The following KCNIP4 variants were observed in gnomAD, a reference collection of about 807,000 sequenced individuals.
The protein encoded by KCNIP4 is potassium voltage-gated channel interacting protein 4, also known as Kv channel-interacting protein 4.
KCNIP4 carries 12 observed loss-of-function variants against 34.0 expected under a neutral mutation model. The ratio of observed to expected loss-of-function variants is 0.35; its 90% CI spans 0.23 to 0.57. KCNIP4 has a LOEUF of 0.57. Ranked by LOEUF, KCNIP4 falls within the 20% of genes least tolerant of loss-of-function variation. The pLI is 0.83. For missense variants in KCNIP4, 238 were observed against 311.7 expected (o/e 0.76, Z 1.78); for synonymous variants, 124 against 102.2 (o/e 1.21, Z -1.29).
chr4:21,529,012 C>T (rs1736431296), intron 1 of KCNIP4, among the ~76,000 whole-genome samples: 1 of 152,060 alleles, frequency 6.6e-6, no homozygotes, highest in South Asian at 2.1e-4. Flanking sequence ...TGTCCTTTTA[C>T]AGGTTTTGCC....
intron 1 of KCNIP4, chr4:21,304,027 G>A (rs1712062526): frequency 9.5e-6 from 10 of 1,057,084 alleles, no homozygotes; most frequent in Middle Eastern, 2.5e-4. Flanking sequence ...GGAGGAGAGC[G>A]TATGAGAGAG....
intron 1 of KCNIP4, among the ~76,000 whole-genome samples, chr4:21,481,790 T>C (rs2109834728): frequency 6.6e-6 from 1 of 152,248 alleles, no homozygotes; most frequent in Middle Eastern, 3.4e-3. Flanking sequence ...CCTATCTGCT[T>C]ATGCACACAT....
At chr4:21,007,466 C>G (rs934333836) in intron 1 of KCNIP4, among the ~76,000 whole-genome samples, 1 of 152,148 alleles carries the variant, frequency 6.6e-6, no homozygotes, top group Non-Finnish European at 1.5e-5. Flanking sequence ...TATTGTCACC[C>G]TGTCATGCTT....
intron 1 of KCNIP4, among the ~76,000 whole-genome samples, chr4:21,193,060 G>A (rs1002308988): frequency 1.3e-5 from 2 of 151,074 alleles, no homozygotes; most frequent in Non-Finnish European, 2.9e-5. Context: ...AGGATGTTGT[G>A]AGCAGTGATT....
At chr4:20,850,162 G>A (rs932894723) in intron 3 of KCNIP4, among the ~76,000 whole-genome samples, 1 of 152,142 alleles carries the variant, frequency 6.6e-6, no homozygotes, top group Admixed American at 6.6e-5. Flanking sequence ...TCCAGGAATG[G>A]AATCCCTTGA....
chr4:21,028,747 C>T (rs188491043), intron 1 of KCNIP4, among the ~76,000 whole-genome samples: 1 of 152,276 alleles, frequency 6.6e-6, no homozygotes, highest in East Asian at 1.9e-4. Flanking sequence ...TGGAAACCAA[C>T]CAATGCAAGA....
chr4:21,664,490 C>T (rs1352210119), intron 1 of KCNIP4, among the ~76,000 whole-genome samples: 3 of 151,626 alleles, frequency 2.0e-5, no homozygotes, highest in Admixed American at 6.6e-5. Flanking sequence ...TTTCTGCTTG[C>T]CATCTTGCAA....
intron 3 of KCNIP4, among the ~76,000 whole-genome samples, chr4:20,835,833 G>A (rs1244782053): frequency 6.6e-6 from 1 of 151,960 alleles, no homozygotes; most frequent in Non-Finnish European, 1.5e-5. Context: ...AGTTGTTTAA[G>A]TCAGAAAACT....
chr4:20,934,321 C>T (rs1166410648), intron 1 of KCNIP4, among the ~76,000 whole-genome samples: 4 of 152,166 alleles, frequency 2.6e-5, no homozygotes, highest in African/African-American at 4.8e-5. Flanking sequence ...TGGTGGCCAC[C>T]TCACCTATGA....
At chr4:21,701,610 CA>C (rs1303467837) in intron 1 of KCNIP4, among the ~76,000 whole-genome samples, 1 of 152,102 alleles carries the variant, frequency 6.6e-6, no homozygotes, top group Admixed American at 6.6e-5. Flanking sequence ...TTAAGAGAAT[CA>C]AAAGATCTGC....
intron 1 of KCNIP4, among the ~76,000 whole-genome samples, chr4:21,573,145 G>C (rs1740484737): frequency 1.3e-5 from 2 of 152,158 alleles, no homozygotes; most frequent in Admixed American, 1.3e-4. Flanking sequence ...AGCATTAGCG[G>C]TAGTAGCATT....
At chr4:21,654,706 G>A (rs1171489636) in intron 1 of KCNIP4, among the ~76,000 whole-genome samples, 3 of 151,998 alleles carry the variant, frequency 2.0e-5, no homozygotes, top group African/African-American at 4.8e-5. Context: ...GGCAGATCAC[G>A]AGGTCAGGAG....
intron 1 of KCNIP4, among the ~76,000 whole-genome samples, chr4:21,448,452 C>T (rs1000234951): frequency 6.6e-6 from 1 of 152,018 alleles, no homozygotes; most frequent in African/African-American, 2.4e-5. Flanking sequence ...GAAAGCGGAA[C>T]TTATAAACTA....
At chr4:21,307,739 G>A (rs1285864038) in intron 1 of KCNIP4, among the ~76,000 whole-genome samples, 1 of 151,778 alleles carries the variant, frequency 6.6e-6, no homozygotes, top group East Asian at 1.9e-4. Flanking sequence ...TGCCTGGGGA[G>A]CCTGAGAGAT....
chr4:21,691,691 C>CTTTTTT (rs36004947), intron 1 of KCNIP4, among the ~76,000 whole-genome samples: 118 of 103,146 alleles, frequency 1.1e-3, no homozygotes, highest in Non-Finnish European at 1.6e-3. Context: ...AAACGCAGCT[C>CTTTTTT]TTTTTTTTTT....
intron 3 of KCNIP4, among the ~76,000 whole-genome samples, chr4:20,808,501 T>A (rs1715351018): frequency 6.6e-6 from 1 of 152,218 alleles, no homozygotes; most frequent in Admixed American, 6.5e-5. Flanking sequence ...TGAAAGAACA[T>A]AATTATTCAT....
intron 1 of KCNIP4, among the ~76,000 whole-genome samples, chr4:21,713,345 TG>T (rs1295543113): frequency 1.3e-5 from 2 of 152,202 alleles, no homozygotes; most frequent in East Asian, 3.9e-4. Context: ...CTAAAGTTTC[TG>T]CAAGGACCAT....
rs149621548 is a variant in KCNIP4 at position 21,700,669 on chromosome 4, T to C, written c.61+247902A>G. On this transcript the variant is annotated intron_variant, in intron 1 of 8. Transcript: ENST00000382152. Reference sequence around the variant, plus strand: ...TTTTGGGGTCCTATATGATAAATCATTGTCCATACCAATGTCCTGAAGCTT... The same window carrying C: ...TTTTGGGGTCCTATATGATAAATCACTGTCCATACCAATGTCCTGAAGCTT... Among the ~76,000 whole-genome samples the C allele has an allele frequency of 3.2e-3, 492 of 152,252 alleles. 6 individuals carry two copies. Among genetic ancestry groups the C allele is most frequent in the African/African-American group, 0.011 (458 of 41,560 alleles).
intron 3 of KCNIP4, among the ~76,000 whole-genome samples, chr4:20,828,416 A>G (rs1483129281): frequency 1.3e-5 from 2 of 152,220 alleles, no homozygotes; most frequent in African/African-American, 4.8e-5. Flanking sequence ...ACAGAGCAAG[A>G]CTCCGTCTAA....
Sources: allele counts gnomAD v4.1 joint callset (sites outside exome capture counted in the v4.1 genomes callset), GRCh38; gene constraint gnomAD v4.1.1; transcripts MANE v1.5; gene names NCBI Gene and HGNC (gene_info 2026-07-23, HGNC 2026-07-21).